Variants in CTCF observed in about 807,000 individuals in gnomAD.
The protein encoded by CTCF is CCCTC-binding factor, also known as transcriptional repressor CTCF.
A neutral mutation model predicts 72.3 loss-of-function variants in CTCF; 7 were observed. That is an observed-to-expected ratio of 0.10 (90% confidence interval 0.06 to 0.18). The LOEUF is 0.18. CTCF is among the 10% of genes least tolerant of loss of function. CTCF has a pLI of 1.00. For missense variants in CTCF, 516 were observed against 949.1 expected, an observed-to-expected ratio of 0.54 and a Z score of 6.00; for synonymous variants, 374 against 315.8, an observed-to-expected ratio of 1.18 and a Z score of -1.95.
intron 10 of CTCF, among the ~76,000 whole-genome samples, chr16:67,634,913 G>A (rs747152273): frequency 1.8e-4 from 28 of 152,050 alleles, no homozygotes; most frequent in Middle Eastern, 3.4e-3. Context: ...ATGTTGGCCA[G>A]GCTTGTCTCG....
chr16:67,581,232 C>G (rs938596956), intron 2 of CTCF, among the ~76,000 whole-genome samples: 1 of 151,988 alleles, frequency 6.6e-6, no homozygotes, highest in Non-Finnish European at 1.5e-5. Context: ...CTGGCCCGGC[C>G]TTACTTATTT....
chr16:67,589,424 G>A (rs1002297013), intron 2 of CTCF, among the ~76,000 whole-genome samples: 3 of 151,944 alleles, frequency 2.0e-5, no homozygotes, highest in Non-Finnish European at 4.4e-5. Context: ...GTTATATACC[G>A]TTCACCTGTT....
chr16:67,565,077 C>T (rs1450163112), intron 1 of CTCF, among the ~76,000 whole-genome samples: 3 of 151,822 alleles, frequency 2.0e-5, no homozygotes, highest in Admixed American at 2.0e-4. Context: ...TCTCGGCTCA[C>T]TGCAACCTCT....
intron 7 of CTCF, among the ~76,000 whole-genome samples, chr16:67,623,915 GCACA>G (rs2052238066): frequency 6.6e-6 from 1 of 151,934 alleles, no homozygotes; most frequent in African/African-American, 2.4e-5. Flanking sequence ...GGGTGTGGTG[GCACA>G]TGCCTGTAGT....
At chr16:67,631,890 T>A (rs2052370608) in intron 10 of CTCF, among the ~76,000 whole-genome samples, 1 of 151,436 alleles carries the variant, frequency 6.6e-6, no homozygotes, top group South Asian at 2.1e-4. Context: ...CTGGGGAACA[T>A]GGCAAAACCC....
At chr16:67,579,397 C>T (rs977960380) in intron 2 of CTCF, among the ~76,000 whole-genome samples, 4 of 150,302 alleles carry the variant, frequency 2.7e-5, no homozygotes, top group African/African-American at 7.4e-5. Context: ...GCTGCTCTGT[C>T]ACCTAGGCTG....
chr16:67,591,729 G>C (rs756795383), intron 2 of CTCF, among the ~76,000 whole-genome samples: 1 of 151,800 alleles, frequency 6.6e-6, no homozygotes, highest in Non-Finnish European at 1.5e-5. Context: ...TTTGGGGGGG[G>C]GCAGTAAGGG....
At chr16:67,578,126 A>C (rs1004474410) in intron 2 of CTCF, among the ~76,000 whole-genome samples, 10 of 152,050 alleles carry the variant, frequency 6.6e-5, no homozygotes, top group African/African-American at 2.2e-4. Flanking sequence ...TGCTATGGAA[A>C]TTTTCTGTAA....
chr16:67,574,529 A>G (rs2051468703), intron 2 of CTCF, among the ~76,000 whole-genome samples: 1 of 150,166 alleles, frequency 6.7e-6, no homozygotes, highest in South Asian at 2.1e-4. Context: ...TTTAGTAGAG[A>G]TGGGGTTTTG....
At chr16:67,625,730 C>T (rs1488662615) in intron 7 of CTCF, among the ~76,000 whole-genome samples, 1 of 152,112 alleles carries the variant, frequency 6.6e-6, no homozygotes, top group African/African-American at 2.4e-5. Flanking sequence ...TGCCATCCCA[C>T]CCCTGCTTTT....
chr16:67,576,005 A>C (rs2051491158), intron 2 of CTCF, among the ~76,000 whole-genome samples: 1 of 151,256 alleles, frequency 6.6e-6, no homozygotes, highest in Non-Finnish European at 1.5e-5. Flanking sequence ...AAAAAAAAAA[A>C]AAAAATGTAG....
At chr16:67,565,622 G>C (rs942075249) in intron 1 of CTCF, among the ~76,000 whole-genome samples, 1 of 147,996 alleles carries the variant, frequency 6.8e-6, no homozygotes, top group Non-Finnish European at 1.5e-5. Flanking sequence ...GCAGTGAGCC[G>C]AGATTGTGCT....
chr16:67,635,241 C>T (rs1451495084), intron 10 of CTCF, among the ~76,000 whole-genome samples: 3 of 150,570 alleles, frequency 2.0e-5, no homozygotes, highest in Non-Finnish European at 3.0e-5. Context: ...AGGATGGTCT[C>T]GATCTCCTGA....
intron 4 of CTCF, among the ~76,000 whole-genome samples, chr16:67,613,710 A>G (rs1397092108): frequency 6.6e-6 from 1 of 152,102 alleles, no homozygotes; most frequent in African/African-American, 2.4e-5. Flanking sequence ...CGGGAGACAG[A>G]GGTTGCAGTA....
At chr16:67,628,334 G>A in intron 8 of CTCF, 36 bp from the exon 9 acceptor site, 1 of 1,593,350 alleles carries the variant, frequency 6.3e-7, no homozygotes. Flanking sequence ...AGCCCCATGA[G>A]CAGGCTCTGA....
intron 4 of CTCF, chr16:67,616,340 A>G (rs553142597): frequency 6.0e-6 from 1 of 165,794 alleles, no homozygotes; most frequent in South Asian, 1.7e-4. Context: ...GAGAGACAGG[A>G]TCTTGCTATG....
At chr16:67,567,466 A>G (rs969472958) in intron 1 of CTCF, among the ~76,000 whole-genome samples, 4 of 152,218 alleles carry the variant, frequency 2.6e-5, no homozygotes, top group Non-Finnish European at 5.9e-5. Flanking sequence ...TTGCCTCTCA[A>G]CAGAGGAGAC....
intron 2 of CTCF, among the ~76,000 whole-genome samples, chr16:67,580,487 G>C (rs909386266): frequency 5.3e-5 from 8 of 152,038 alleles, no homozygotes; most frequent in African/African-American, 1.9e-4. Context: ...TTACAGGTGT[G>C]AGCCACCATG....
intron 2 of CTCF, among the ~76,000 whole-genome samples, chr16:67,587,262 A>G (rs745587937): frequency 6.6e-6 from 1 of 152,072 alleles, no homozygotes. Context: ...CTGCCCAGCC[A>G]ATAATTTTCT....
Sources: allele counts gnomAD v4.1 joint callset (sites outside exome capture counted in the v4.1 genomes callset), GRCh38; gene constraint gnomAD v4.1.1; transcripts MANE v1.5; gene names NCBI Gene and HGNC (gene_info 2026-07-23, HGNC 2026-07-21).